The following KIR3DL2 variants were observed in gnomAD, a reference collection of about 807,000 sequenced individuals.
KIR3DL2 encodes killer cell immunoglobulin like receptor, three Ig domains and long cytoplasmic tail 2, also known as killer cell immunoglobulin-like receptor 3DL2.
A neutral mutation model predicts 41.6 loss-of-function variants in KIR3DL2; 42 were observed. The observed-to-expected ratio is 1.01, with a 90% confidence interval of 0.79 to 1.31. The LOEUF is 1.31. Among genes scored for constraint, KIR3DL2 ranks in the 50% most tolerant of loss-of-function variants. The pLI, the probability that KIR3DL2 is intolerant of heterozygous loss-of-function variation, is 0.00. For missense variants in KIR3DL2, 728 were observed against 576.8 expected (o/e 1.26, Z -2.68); for synonymous variants, 230 against 221.3 (o/e 1.04, Z -0.35).
Position 54,855,662 on chromosome 19 carries a change from G to T in KIR3DL2, c.699G>T (p.Thr233=). Residue 233 remains threonine (T), a synonymous_variant, in exon 5 of 9, where the codon ACG becomes ACT. Coordinates refer to ENST00000326321, the MANE Select transcript of KIR3DL2 (RefSeq NM_006737.4). Reference sequence around the variant, plus strand: ...CTCTCTCAGCCCAGCCGGGCCCCACGGTTCAGGCAGGAGAGAACGTGACCT... The same window carrying T: ...CTCTCTCAGCCCAGCCGGGCCCCACTGTTCAGGCAGGAGAGAACGTGACCT... ...KPSLSAQPGP[T]VQAGENVTLS... 2 of 1,613,454 alleles carry T rather than the reference G, an allele frequency of 1.2e-6. No individual in the cohort carries two copies. Among genetic ancestry groups the T allele is most frequent in the South Asian group, 2.2e-5 (2 of 91,082 alleles).
intron 6 of KIR3DL2, among the ~76,000 whole-genome samples, chr19:54,861,110 C>T (rs2065144284): frequency 2.0e-5 from 3 of 149,972 alleles, no homozygotes; most frequent in Middle Eastern, 3.4e-3. Flanking sequence ...AGGCAATTGC[C>T]GCCCCACTGG....
Position 54,865,975 on chromosome 19 carries a change from G to A in KIR3DL2, c.1105+66G>A, listed in dbSNP as rs3745898. 55,282 of 1,399,372 alleles carry A rather than the reference G, an allele frequency of 0.04. 1,384 individuals carry two copies. Among genetic ancestry groups the A allele is most frequent in the East Asian group, 0.11 (4,892 of 42,804 alleles). 86.7% of individuals were successfully genotyped at this position (1,399,372 alleles called of 1,614,324 possible). A position where few individuals can be genotyped will look rare whatever the true frequency, so the allele number is the denominator to read the frequency against. On this transcript the variant is annotated intron_variant, in intron 7 of 8. Transcript: ENST00000326321. ...GTGGGGAAGCAGGATGGGAGCACGC[G>A]GGTGTGTGTTCCTCACTGGCAGGAT...
rs571756487 is a variant in KIR3DL2 at position 54,854,110 on chromosome 19, G to A, written c.655+64G>A. ...CACAGAGTGAATGATCCAGGACTTGGAACCCCCAGGTGGTCATGAGGAAGA... is the reference window on the plus strand; with the variant it reads ...CACAGAGTGAATGATCCAGGACTTGAAACCCCCAGGTGGTCATGAGGAAGA... On this transcript the variant is annotated intron_variant, in intron 4 of 8. Coordinates refer to ENST00000326321, the MANE Select transcript of KIR3DL2 (RefSeq NM_006737.4). The A allele has an allele frequency of 6.3e-6, 10 of 1,576,076 alleles. 2 individuals carry two copies. The African/African-American group carries it at 9.9e-5, about 16-fold the overall frequency.
chr19:54,865,725 C>A, intron 6 of KIR3DL2, 80 bp from the exon 7 acceptor site: 1 of 1,256,942 alleles, frequency 8.0e-7, no homozygotes, highest in South Asian at 1.2e-5. Context: ...CATGTGGTTA[C>A]CTGTCAATCA....
Position 54,853,994 on chromosome 19 carries a change from C to T in KIR3DL2, c.603C>T (p.His201=). 3 of 1,613,272 alleles carry T rather than the reference C, an allele frequency of 1.9e-6. No individual in the cohort carries two copies. The highest frequency in any genetic ancestry group is 2.5e-6 in the Non-Finnish European group (3 of 1,179,776). Residue 201 remains histidine, a synonymous_variant, in exon 4 of 9, where the codon CAC becomes CAT. Transcript: ENST00000326321. ...ACAGATGTTATGGTTCTGTTCCTCA[C>T]TCCCCCTATCAGTTGTCAGCTCCCA... ...GTYRCYGSVP[H]SPYQLSAPSD...
intron 5 of KIR3DL2, 56 bp from the exon 6 acceptor site, chr19:54,859,023 T>A: frequency 6.5e-7 from 1 of 1,546,450 alleles, no homozygotes; most frequent in South Asian, 1.1e-5. Context: ...AAGATTTCCA[T>A]TGAGTAGAGG....
chr19:54,851,725 C>G (rs2145555850), intron 2 of KIR3DL2, among the ~76,000 whole-genome samples: 1 of 151,888 alleles, frequency 6.6e-6, no homozygotes, highest in South Asian at 2.1e-4. Flanking sequence ...GACATGCCCT[C>G]CATGCCGTGT....
chr19:54,866,251 T>C (rs1646203101), intron 7 of KIR3DL2, 119 bp from the exon 8 acceptor site: 2 of 957,426 alleles, frequency 2.1e-6, no homozygotes, highest in Non-Finnish European at 3.3e-6. Flanking sequence ...TGAGTCTGGA[T>C]GTTGGCAGCT....
chr19:54,864,448 A>T (rs1373760472), intron 6 of KIR3DL2, among the ~76,000 whole-genome samples: 1 of 152,146 alleles, frequency 6.6e-6, no homozygotes, highest in African/African-American at 2.4e-5. Flanking sequence ...TACCTTGGGC[A>T]GTATGGCCAT....
intron 2 of KIR3DL2, 49 bp from the exon 3 acceptor site, chr19:54,851,949 G>A (rs1362048528): frequency 6.3e-7 from 1 of 1,591,384 alleles, no homozygotes; most frequent in East Asian, 2.3e-5. Context: ...AGGGAGGGAG[G>A]GGTGGCTCCA....
chr19:54,860,405 C>T (rs1426425652), intron 6 of KIR3DL2, among the ~76,000 whole-genome samples: 1 of 152,078 alleles, frequency 6.6e-6, no homozygotes, highest in Non-Finnish European at 1.5e-5. Context: ...GAGCCTTGCT[C>T]TGTCGTCCAG....
chr19:54,854,209 A>C lies in KIR3DL2; in HGVS notation c.655+163A>C, dbSNP rs1346977626. The stretch of plus-strand genomic sequence containing the variant: ...CAACAGAGACAGGGAAACAGGAGAC[A>C]TAAGTACAGACCAGGTGTCATAACA... On this transcript the variant is annotated intron_variant, in intron 4 of 8. Coordinates refer to ENST00000326321, the MANE Select transcript of KIR3DL2 (RefSeq NM_006737.4). Among the ~76,000 whole-genome samples the C allele has an allele frequency of 3.3e-5, 5 of 151,722 alleles. 1 individual carries two copies. The highest frequency in any genetic ancestry group is 1.2e-4 in the African/African-American group (5 of 41,080).
Position 54,853,776 on chromosome 19 carries a change from C to A in KIR3DL2, c.385C>A (p.His129Asn), listed in dbSNP as rs1428815086. ...GNHRKPSLLA[H>N]PGPLLKSGET... is the part of the protein sequence containing the mutation. ...CCACAGAAAACCTTCCCTCCTGGCCCACCCAGGGCCCCTGCTGAAATCAGG... is the reference window on the plus strand; with the variant it reads ...CCACAGAAAACCTTCCCTCCTGGCCAACCCAGGGCCCCTGCTGAAATCAGG... The change falls in exon 4 of 9, where the codon CAC becomes AAC. Residue 129 changes from histidine to asparagine, a missense_variant. Physicochemically the swap from His to Asn is moderately conservative, Grantham distance 68 (BLOSUM62 1). Coordinates refer to ENST00000326321, the MANE Select transcript of KIR3DL2 (RefSeq NM_006737.4). 4.3e-6 allele frequency: 7 copies of A among 1,611,316 alleles called. No homozygotes were observed. The Admixed American group carries it at 1.0e-4, about 23-fold the overall frequency.
At chr19:54,852,536 G>T (rs2145571967) in intron 3 of KIR3DL2, among the ~76,000 whole-genome samples, 1 of 151,824 alleles carries the variant, frequency 6.6e-6, no homozygotes, top group African/African-American at 2.4e-5. Context: ...AGCTCAGGTT[G>T]TTGATGAGTT....
At chr19:54,854,548 T>C (rs1431516798) in intron 4 of KIR3DL2, among the ~76,000 whole-genome samples, 1 of 151,772 alleles carries the variant, frequency 6.6e-6, no homozygotes, top group Non-Finnish European at 1.5e-5. Flanking sequence ...CAGGATATCA[T>C]GGCCCCAGAA....
intron 5 of KIR3DL2, among the ~76,000 whole-genome samples, chr19:54,856,907 G>A (rs1471137517): frequency 3.3e-5 from 5 of 152,122 alleles, no homozygotes; most frequent in African/African-American, 7.2e-5. Context: ...CACCGTGTGT[G>A]TGTACTACAG....
At chr19:54,860,946 A>G (rs1307807428) in intron 6 of KIR3DL2, among the ~76,000 whole-genome samples, 1 of 137,834 alleles carries the variant, frequency 7.3e-6, no homozygotes, top group Non-Finnish European at 1.6e-5. Flanking sequence ...CACTGGGTAC[A>G]CAGGAAACTA....
rs1222165569 is a variant in KIR3DL2, at chr19:54,851,582, C to T, written c.70+327C>T. Among the ~76,000 whole-genome samples, 9 of 151,386 alleles carry T rather than the reference C, an allele frequency of 5.9e-5. 1 individual carries two copies. The highest frequency in any genetic ancestry group is 1.0e-4 in the Non-Finnish European group (7 of 67,936). On this transcript the variant is annotated intron_variant, in intron 2 of 8. Coordinates refer to ENST00000326321, the MANE Select transcript of KIR3DL2 (RefSeq NM_006737.4). The stretch of plus-strand genomic sequence containing the variant: ...TATAACTGACACCCTCCAGCGTTTC[C>T]GTGACGGTAGGGGCTGCAGTGTGGC...
chr19:54,852,338 T>G, intron 3 of KIR3DL2, 56 bp downstream of exon 3: 1 of 1,584,638 alleles, frequency 6.3e-7, no homozygotes, highest in Non-Finnish European at 8.5e-7. Context: ...TCCCAGAGCT[T>G]CTGGTGGGGG....
Sources: gnomAD v4.1 joint callset for allele counts (sites outside exome capture counted in the v4.1 genomes callset) on GRCh38, gnomAD v4.1.1 for gene constraint, MANE v1.5 for transcripts, NCBI Gene and HGNC (gene_info 2026-07-23, HGNC 2026-07-21) for gene names.